SLC9A9: variants seen among roughly 807,000 people sequenced by gnomAD.
SLC9A9 encodes the protein solute carrier family 9 member A9.
SLC9A9 carries 62 observed loss-of-function variants against 77.8 expected under a neutral mutation model. The ratio of observed to expected loss-of-function variants is 0.80; its 90% CI spans 0.65 to 0.98. The LOEUF is 0.98. Among genes scored for constraint, SLC9A9 ranks in the 50% least tolerant of loss-of-function variants. The pLI is 0.00. For missense variants in SLC9A9, 775 were observed against 774.9 expected, an observed-to-expected ratio of 1.00 and a Z score of 0.00; for synonymous variants, 320 against 283.5, an observed-to-expected ratio of 1.13 and a Z score of -1.29.
chr3:143,288,231 A>G (rs1297814548), intron 14 of SLC9A9, among the ~76,000 whole-genome samples: 3 of 152,040 alleles, frequency 2.0e-5, no homozygotes, highest in African/African-American at 7.2e-5. Flanking sequence ...AGTATAGGGA[A>G]AAAAAAGCTA....
intron 14 of SLC9A9, among the ~76,000 whole-genome samples, chr3:143,298,967 C>T (rs997282142): frequency 6.6e-6 from 1 of 152,130 alleles, no homozygotes; most frequent in East Asian, 1.9e-4. Context: ...TCTTAGTTTC[C>T]TCACTTCTCA....
At chr3:143,324,958 C>T (rs1302179572) in intron 14 of SLC9A9, among the ~76,000 whole-genome samples, 1 of 152,066 alleles carries the variant, frequency 6.6e-6, no homozygotes, top group African/African-American at 2.4e-5. Context: ...ATGTCAGTTC[C>T]CTGAACAAAC....
intron 13 of SLC9A9, among the ~76,000 whole-genome samples, chr3:143,370,602 C>CACACACACACACACACACACA (rs2033038005): frequency 6.7e-6 from 1 of 149,878 alleles, no homozygotes; most frequent in Non-Finnish European, 1.5e-5. Flanking sequence ...CACACACACA[C>CACACACACACACACACACACA]CCTAACAAAT....
chr3:143,799,676 G>C (rs1199049472), intron 2 of SLC9A9, among the ~76,000 whole-genome samples: 1 of 152,222 alleles, frequency 6.6e-6, no homozygotes, highest in African/African-American at 2.4e-5. Context: ...TCACCTGGCA[G>C]CCACTCCCAG....
chr3:143,514,212 C>CTTTTT lies in SLC9A9; in HGVS notation c.1090-18769_1090-18765dup, dbSNP rs34218404. Among the ~76,000 whole-genome samples the CTTTTT allele has an allele frequency of 2.7e-3, 396 of 146,512 alleles. 2 individuals are homozygous for CTTTTT. Among genetic ancestry groups the CTTTTT allele is most frequent in the African/African-American group, 9.1e-3 (363 of 39,734 alleles). On this transcript the variant is annotated intron_variant, in intron 9 of 15. Transcript: ENST00000316549. Reference sequence around the variant, plus strand: ...AGAGCAGCAATATTTTGAAAGGAACCTTTTTTTTTTTTTCTGAGCAGTAAA... The same window carrying CTTTTT: ...AGAGCAGCAATATTTTGAAAGGAACCTTTTTTTTTTTTTTTTTTCTGAGCAGTAAA...
At chr3:143,276,776 T>TAA (rs372123185) in intron 14 of SLC9A9, among the ~76,000 whole-genome samples, 2 of 143,664 alleles carry the variant, frequency 1.4e-5, no homozygotes, top group East Asian at 2.0e-4. Context: ...GAGTTTTGTC[T>TAA]AAAAAAAAAA....
intron 4 of SLC9A9, among the ~76,000 whole-genome samples, chr3:143,765,043 CTTTT>C (rs1421479651): frequency 6.8e-6 from 1 of 145,992 alleles, no homozygotes; most frequent in Non-Finnish European, 1.5e-5. Context: ...CTTTCTCTTT[CTTTT>C]TCTTTCTTTC....
At chr3:143,730,173 G>A (rs550907603) in intron 4 of SLC9A9, among the ~76,000 whole-genome samples, 59 of 152,358 alleles carry the variant, frequency 3.9e-4, no homozygotes, top group Non-Finnish European at 7.1e-4. Flanking sequence ...TCCTGAGGAT[G>A]TCAGGGAGTG....
chr3:143,740,642 T>C (rs1935053068), intron 4 of SLC9A9, among the ~76,000 whole-genome samples: 1 of 152,186 alleles, frequency 6.6e-6, no homozygotes, highest in South Asian at 2.1e-4. Flanking sequence ...TAAATGATCA[T>C]ACCTCCCCAT....
At chr3:143,785,214 C>T (rs539112626) in intron 4 of SLC9A9, among the ~76,000 whole-genome samples, 1 of 152,284 alleles carries the variant, frequency 6.6e-6, no homozygotes, top group East Asian at 1.9e-4. Context: ...ATCTCAGCTG[C>T]CCTTGTGATA....
At chr3:143,831,790 A>C (rs569880290) in intron 2 of SLC9A9, among the ~76,000 whole-genome samples, 1 of 152,296 alleles carries the variant, frequency 6.6e-6, no homozygotes, top group Admixed American at 6.5e-5. Context: ...AACAAAAAAG[A>C]AAACCTTTCT....
intron 12 of SLC9A9, among the ~76,000 whole-genome samples, chr3:143,459,133 TC>T (rs2035145340): frequency 6.6e-6 from 1 of 152,082 alleles, no homozygotes; most frequent in Admixed American, 6.5e-5. Flanking sequence ...TTTTCATTTT[TC>T]CATTTGTTTC....
intron 6 of SLC9A9, among the ~76,000 whole-genome samples, chr3:143,582,400 C>T (rs2037472309): frequency 6.6e-6 from 1 of 152,152 alleles, no homozygotes; most frequent in Admixed American, 6.6e-5. Context: ...TATATGTACA[C>T]TCAAATACTC....
At chr3:143,814,178 G>C (rs941229616) in intron 2 of SLC9A9, among the ~76,000 whole-genome samples, 1 of 152,180 alleles carries the variant, frequency 6.6e-6, no homozygotes, top group African/African-American at 2.4e-5. Context: ...CTGAGGAGGA[G>C]CTGACTCAGC....
chr3:143,636,800 A>G (rs1379758031), intron 6 of SLC9A9, among the ~76,000 whole-genome samples: 1 of 152,192 alleles, frequency 6.6e-6, no homozygotes, highest in Non-Finnish European at 1.5e-5. Context: ...GAGCCTGACA[A>G]CATGCAGAGT....
chr3:143,376,741 G>T (rs2033188250), intron 13 of SLC9A9, among the ~76,000 whole-genome samples: 1 of 152,128 alleles, frequency 6.6e-6, no homozygotes. Flanking sequence ...CCATAAGTAA[G>T]TATAACCAAA....
At chr3:143,814,988 G>A (rs1281459032) in intron 2 of SLC9A9, among the ~76,000 whole-genome samples, 1 of 151,512 alleles carries the variant, frequency 6.6e-6, no homozygotes, top group Non-Finnish European at 1.5e-5. Flanking sequence ...TCTGATAAAT[G>A]GCTCTTGGAT....
chr3:143,498,906 T>C (rs1011128129), intron 9 of SLC9A9, among the ~76,000 whole-genome samples: 2 of 152,226 alleles, frequency 1.3e-5, no homozygotes, highest in Non-Finnish European at 2.9e-5. Context: ...AAAATTATAT[T>C]AATGTATTAC....
intron 12 of SLC9A9, among the ~76,000 whole-genome samples, chr3:143,424,952 C>T (rs548387103): frequency 9.3e-4 from 141 of 152,310 alleles, no homozygotes; most frequent in African/African-American, 2.7e-3. Flanking sequence ...CCACACAGTA[C>T]TTAATAGCAT....
Sources: gnomAD v4.1 joint callset for allele counts (sites outside exome capture counted in the v4.1 genomes callset) on GRCh38, gnomAD v4.1.1 for gene constraint, MANE v1.5 for transcripts, NCBI Gene and HGNC (gene_info 2026-07-23, HGNC 2026-07-21) for gene names.